The following DSG1 variants were observed in gnomAD, a reference collection of about 807,000 sequenced individuals.
DSG1 encodes the protein desmoglein-1.
In DSG1, 39 loss-of-function variants were observed where a neutral mutation model predicts 97.5. That is an observed-to-expected ratio of 0.40 (90% CI 0.31 to 0.52). The LOEUF (loss-of-function observed/expected upper bound fraction) is 0.52. Among genes scored for constraint, DSG1 ranks in the 20% least tolerant of loss-of-function variants. The probability of loss-of-function intolerance (pLI) is 0.53; values close to 1 mark genes in which losing one functional copy is unlikely to be tolerated. For missense variants in DSG1, 1,311 were observed against 1,295.4 expected, an observed-to-expected ratio of 1.01 and a Z score of -0.18; for synonymous variants, 475 against 443.4, an observed-to-expected ratio of 1.07 and a Z score of -0.90.
rs1169671209 is a variant in DSG1, at chr18:31,354,928, T to G, written c.2732T>G (p.Ile911Ser). 5 of 1,614,206 alleles carry G rather than the reference T, an allele frequency of 3.1e-6. No individual in the cohort carries two copies. The highest frequency in any genetic ancestry group is 3.4e-6 in the Non-Finnish European group (4 of 1,180,040). The change falls in exon 15 of 15, where the codon ATC becomes AGC. Residue 911 changes from isoleucine to serine, a missense_variant. By Grantham distance (142) the Ile-to-Ser change is moderately radical. This residue lies in a region of DSG1 where 1,038 missense variants were observed against 964.6 expected (regional missense o/e 1.08). Coordinates refer to ENST00000257192, the MANE Select transcript of DSG1 (RefSeq NM_001942.4). ...TCTAGTCTACCCACCTCTCTGACTA[T>G]CCATCATCCTAGAGAGTCTTCAAAT... is the stretch of plus-strand genomic sequence containing the variant. ...PSSSLPTSLT[I>S]HHPRESSNVV...
chr18:31,326,389 G>T lies in DSG1; in HGVS notation c.49-192G>T, dbSNP rs537405619. ...AATAAAAAGAAGAGTAAATTGAAAG[G>T]TAAAAACAAAAATTCTTAGCATCAT... is the stretch of plus-strand genomic sequence containing the variant. On this transcript the variant is annotated intron_variant, in intron 1 of 14. Transcript: ENST00000257192. Among the ~76,000 whole-genome samples, 335 of 152,016 alleles carry T rather than the reference G, an allele frequency of 2.2e-3. 3 individuals carry two copies. The highest frequency in any genetic ancestry group is 7.8e-3 in the African/African-American group (325 of 41,512).
Position 31,355,512 on chromosome 18 carries a change from G to A in DSG1, c.*166G>A. ...ATAAATGGAAACACCACTGCTAGGG[G>A]AGAGCTCTCCTTAGCATTCATAAAC... On this transcript the variant is annotated 3_prime_UTR_variant, in exon 15 of 15. Transcript: ENST00000257192. 1 of 719,090 alleles carries A rather than the reference G, an allele frequency of 1.4e-6. No homozygotes were observed. Among genetic ancestry groups the A allele is most frequent in the South Asian group, 1.7e-5 (1 of 59,110 alleles). The allele number at this position is 719,090 out of a possible 1,614,324, so 44.5% of individuals were successfully genotyped here. A position where few individuals can be genotyped will look rare whatever the true frequency, so the allele number is the denominator to read the frequency against.
At position 31,333,579 on chromosome 18, in the gene DSG1, G is replaced by C. The variant is rs764078467; in HGVS notation, c.685-10G>C. ...TCAAGTGTGATATTGCCTGTAATATGTATTTTTAGCAATACGGCCAGTATG... is the reference window on the plus strand; with the variant it reads ...TCAAGTGTGATATTGCCTGTAATATCTATTTTTAGCAATACGGCCAGTATG... On this transcript the variant is annotated splice_polypyrimidine_tract_variant and intron_variant, in intron 6 of 14. Coordinates refer to ENST00000257192, the MANE Select transcript of DSG1 (RefSeq NM_001942.4). 1 of 1,613,596 alleles carries C rather than the reference G, an allele frequency of 6.2e-7. No homozygotes were observed. The highest frequency in any genetic ancestry group is 1.7e-5 in the Admixed American group (1 of 59,990).
At chr18:31,339,691 C>T (rs2071775973) in intron 10 of DSG1, 53 bp from the exon 11 acceptor site, 5 of 1,382,018 alleles carry the variant, frequency 3.6e-6, no homozygotes, top group Middle Eastern at 1.8e-4. Flanking sequence ...GTTGTCCAAC[C>T]ATTCCTACAC....
intron 14 of DSG1, among the ~76,000 whole-genome samples, chr18:31,352,020 A>T (rs1009647031): frequency 1.1e-4 from 17 of 151,328 alleles, no homozygotes; most frequent in African/African-American, 4.2e-4. Flanking sequence ...TGATGATGTT[A>T]GCTGGTTATT....
chr18:31,334,281 C>T (rs1278084498), intron 8 of DSG1, 79 bp downstream of exon 8: 5 of 1,044,328 alleles, frequency 4.8e-6, no homozygotes, highest in South Asian at 1.4e-5. Flanking sequence ...ATGATGCTAA[C>T]ATTTCACAAA....
chr18:31,353,505 G>T (rs374853227), intron 14 of DSG1, among the ~76,000 whole-genome samples: 2 of 152,152 alleles, frequency 1.3e-5, no homozygotes, highest in Non-Finnish European at 2.9e-5. Flanking sequence ...CACCCAGTTC[G>T]AGCTTCCTGT....
intron 14 of DSG1, among the ~76,000 whole-genome samples, chr18:31,351,316 G>T: frequency 6.7e-6 from 1 of 149,620 alleles, no homozygotes; most frequent in Non-Finnish European, 1.5e-5. Flanking sequence ...TAGTTTGATT[G>T]CACTGTGGTC....
chr18:31,340,040 A>C lies in DSG1; in HGVS notation c.1687+15A>C. 1.9e-6 allele frequency: 3 copies of C among 1,613,594 alleles called. No individual in the cohort carries two copies. Among genetic ancestry groups the C allele is most frequent in the Non-Finnish European group, 2.5e-6 (3 of 1,179,668 alleles). ...GGTCTTAGGATGTAAGTACTTTAGC[A>C]ATCCTATGTATATGTGTCCCCCAAA... On this transcript the variant is annotated intron_variant, in intron 11 of 14. Transcript: ENST00000257192.
chr18:31,330,131 T>G, intron 5 of DSG1, 95 bp downstream of exon 5: 2 of 1,458,026 alleles, frequency 1.4e-6, no homozygotes, highest in Admixed American at 3.4e-5. Flanking sequence ...ATGTAAGAGA[T>G]AAACTATAGA....
chr18:31,339,935 G>A lies in DSG1; in HGVS notation c.1597G>A (p.Gly533Arg), dbSNP rs762963122. The A allele has an allele frequency of 1.7e-5, 28 of 1,613,894 alleles. No homozygotes were observed. The African/African-American group carries it at 2.8e-4, about 16-fold the overall frequency. Reference sequence around the variant, plus strand: ...TAGCCAAGTATATTCTTCTGAACCCGGAAACGGAGCCAAAGATTTGTTATC... The same window carrying A: ...TAGCCAAGTATATTCTTCTGAACCCAGAAACGGAGCCAAAGATTTGTTATC... ...DSSQVYSSEP[G>R]NGAKDLLSDN... The change falls in exon 11 of 15, where the codon GGA becomes AGA. Residue 533 changes from glycine to arginine, a missense_variant. Transcript: ENST00000257192.
At chr18:31,333,848 T>G (rs2007149) in intron 7 of DSG1, 125 bp downstream of exon 7, 1 of 1,240,406 alleles carries the variant, frequency 8.1e-7, no homozygotes, top group Non-Finnish European at 1.2e-6. Flanking sequence ...AGACACATAC[T>G]TTTTTCTTGT....
intron 10 of DSG1, among the ~76,000 whole-genome samples, chr18:31,339,441 T>C (rs1293514577): frequency 1.3e-5 from 2 of 152,092 alleles, no homozygotes; most frequent in African/African-American, 4.8e-5. Flanking sequence ...TCTGGTTTTG[T>C]TTTGCTTCTT....
At chr18:31,350,935 AT>A (rs2071890596) in intron 14 of DSG1, among the ~76,000 whole-genome samples, 1 of 150,350 alleles carries the variant, frequency 6.7e-6, no homozygotes, top group East Asian at 1.9e-4. Context: ...GGATTCATTA[AT>A]TTTTTGAAGG....
chr18:31,320,691 T>C (rs1457215764), intron 1 of DSG1, among the ~76,000 whole-genome samples: 1 of 152,206 alleles, frequency 6.6e-6, no homozygotes, highest in Non-Finnish European at 1.5e-5. Flanking sequence ...ATTCTTCTTT[T>C]TGTTTCCATG....
At chr18:31,348,049 T>C (rs1045957944) in intron 14 of DSG1, among the ~76,000 whole-genome samples, 1 of 151,740 alleles carries the variant, frequency 6.6e-6, no homozygotes, top group Non-Finnish European at 1.5e-5. Context: ...ACATGTGCCA[T>C]GCTGGTGCGC....
intron 1 of DSG1, among the ~76,000 whole-genome samples, chr18:31,320,215 A>G (rs1047082813): frequency 6.6e-6 from 1 of 152,156 alleles, no homozygotes; most frequent in Non-Finnish European, 1.5e-5. Flanking sequence ...TCTTCATAAA[A>G]CAACCACCAC....
Position 31,331,705 on chromosome 18 carries a change from A to G in DSG1, c.522A>G (p.Thr174=). The change falls in exon 6 of 15, where the codon ACA becomes ACG. Residue 174 remains threonine (T), a synonymous_variant. Transcript: ENST00000257192. ...GQIEENSNAN[T]LVMILNATDA... ...TCAATTTTCCTTAATTTCTAGATACACTGGTGATGATACTCAATGCTACTG... is the reference window on the plus strand; with the variant it reads ...TCAATTTTCCTTAATTTCTAGATACGCTGGTGATGATACTCAATGCTACTG... 6.2e-7 allele frequency: 1 copy of G among 1,612,288 alleles called. No individual in the cohort carries two copies. The highest frequency in any genetic ancestry group is 8.5e-7 in the Non-Finnish European group (1 of 1,178,824).
intron 9 of DSG1, 105 bp from the exon 10 acceptor site, chr18:31,338,210 A>G (rs2071766931): frequency 1.6e-6 from 2 of 1,217,758 alleles, no homozygotes; most frequent in Admixed American, 2.0e-5. Flanking sequence ...TGAAAACTGT[A>G]TCTAGGGATT....
Sources: allele counts gnomAD v4.1 joint callset (sites outside exome capture counted in the v4.1 genomes callset), GRCh38; gene constraint gnomAD v4.1.1; regional missense constraint gnomAD v4.1.1; transcripts MANE v1.5; gene names NCBI Gene and HGNC (gene_info 2026-07-23, HGNC 2026-07-21).